Variants in ABHD12 observed in about 807,000 individuals in gnomAD.
ABHD12 encodes the protein lysophosphatidylserine lipase ABHD12.
Under a neutral mutation model 58.3 loss-of-function variants are expected in ABHD12, and 43 were observed. That is an observed-to-expected ratio of 0.74 (90% CI 0.58 to 0.95). ABHD12 has a LOEUF of 0.95. Among genes scored for constraint, ABHD12 ranks in the 40% least tolerant of loss-of-function variants. The pLI is 0.00. For missense variants in ABHD12, 539 were observed against 537.2 expected (o/e 1.00, Z -0.03); for synonymous variants, 219 against 211.2 (o/e 1.04, Z -0.32).
chr20:25,377,113 TC>T (rs1398108903), intron 1 of ABHD12, among the ~76,000 whole-genome samples: 3 of 152,184 alleles, frequency 2.0e-5, no homozygotes, highest in African/African-American at 7.2e-5. Context: ...ACTGGCAGCC[TC>T]CCAGCTGGCC....
At chr20:25,297,953 T>A (rs1413811213), downstream of ABHD12, 2 of 152,300 alleles carry the variant, frequency 1.3e-5, no homozygotes, top group African/African-American at 2.4e-5. Context: ...ACTGTGCCCC[T>A]CATTGTTACT....
chr20:25,302,758 G>T (rs1414413875), intron 11 of ABHD12, among the ~76,000 whole-genome samples: 1 of 152,214 alleles, frequency 6.6e-6, no homozygotes, highest in East Asian at 1.9e-4. Context: ...TTCGGCAAGG[G>T]TAGGTGGGCC....
At chr20:25,322,381 A>ATATATATATATATATATATATTTTTTTTT in intron 3 of ABHD12, among the ~76,000 whole-genome samples, 13 of 59,230 alleles carry the variant, frequency 2.2e-4, no homozygotes, top group African/African-American at 4.1e-4. Flanking sequence ...ATATATATAT[A>ATATATATATATATATATATATTTTTTTTT]TTTTTTTTTT....
chr20:25,390,472 G>T (rs778256949), intron 1 of ABHD12, 41 bp downstream of exon 1: 2 of 1,248,456 alleles, frequency 1.6e-6, no homozygotes, highest in Non-Finnish European at 2.0e-6. Context: ...CAAAGTGAGG[G>T]ACCGGCCCCC....
chr20:25,342,741 A>C lies in ABHD12; in HGVS notation c.192-3390T>G, dbSNP rs562353495. Reference sequence around the variant, plus strand: ...GGCCTCCCAAGTAGCTCAGACCACCATACCCAGCCAGGTTTATTTTTTATT... The same window carrying C: ...GGCCTCCCAAGTAGCTCAGACCACCCTACCCAGCCAGGTTTATTTTTTATT... On this transcript the variant is annotated intron_variant, in intron 1 of 12. Coordinates refer to ENST00000339157, the MANE Select transcript of ABHD12 (RefSeq NM_001042472.3). 9.1e-4 allele frequency among the ~76,000 whole-genome samples: 139 copies of C among 152,170 alleles called. 2 individuals are homozygous for C. The South Asian group carries it at 0.022, about 24-fold the overall frequency.
intron 1 of ABHD12, among the ~76,000 whole-genome samples, chr20:25,363,377 C>T (rs1198874555): frequency 6.6e-6 from 1 of 151,832 alleles, no homozygotes; most frequent in East Asian, 2.0e-4. Flanking sequence ...CGCACCCACG[C>T]CCAGCTAATT....
intron 6 of ABHD12, among the ~76,000 whole-genome samples, chr20:25,312,738 G>A (rs1358736740): frequency 3.3e-5 from 5 of 150,988 alleles, no homozygotes; most frequent in Non-Finnish European, 7.4e-5. Flanking sequence ...AGTGAGAAGC[G>A]TCTCTGCCCG....
At chr20:25,384,268 T>C (rs1884249029) in intron 1 of ABHD12, among the ~76,000 whole-genome samples, 1 of 151,240 alleles carries the variant, frequency 6.6e-6, no homozygotes, top group African/African-American at 2.4e-5. Context: ...ATGAATGAGA[T>C]AAATATTTAC....
chr20:25,387,116 A>G (rs1335414641), intron 1 of ABHD12, among the ~76,000 whole-genome samples: 1 of 152,214 alleles, frequency 6.6e-6, no homozygotes, highest in Non-Finnish European at 1.5e-5. Context: ...GAACAAAAAC[A>G]AAAAGCTCCC....
Position 25,378,697 on chromosome 20 carries a change from C to CTT in ABHD12, c.191+11814_191+11815dup, listed in dbSNP as rs10617181. On this transcript the variant is annotated intron_variant, in intron 1 of 12. Coordinates refer to ENST00000339157, the MANE Select transcript of ABHD12 (RefSeq NM_001042472.3). ...TGATAAGAACTGAAGATAATTTGAA[C>CTT]TTTTTTTTTTTTTTTTTTTTACCAT... is the stretch of plus-strand genomic sequence containing the variant. 2.9e-5 allele frequency among the ~76,000 whole-genome samples: 4 copies of CTT among 139,664 alleles called. No individual in the cohort carries two copies. The East Asian group carries it at 6.6e-4, about 23-fold the overall frequency. 91.6% of individuals were successfully genotyped at this position (139,664 alleles called of 152,430 possible).
intron 1 of ABHD12, among the ~76,000 whole-genome samples, chr20:25,384,137 G>T (rs1311339281): frequency 3.6e-5 from 3 of 82,316 alleles, no homozygotes; most frequent in South Asian, 5.4e-4. Flanking sequence ...GTGAGACTCT[G>T]TCTCAAAAAA....
At chr20:25,343,760 A>T (rs1487008404) in intron 1 of ABHD12, among the ~76,000 whole-genome samples, 2 of 152,190 alleles carry the variant, frequency 1.3e-5, no homozygotes. Flanking sequence ...GCACCACTGC[A>T]CTCCAGCCTG....
chr20:25,362,953 G>A (rs575230619), intron 1 of ABHD12, among the ~76,000 whole-genome samples: 10 of 151,886 alleles, frequency 6.6e-5, no homozygotes, highest in South Asian at 6.2e-4. Context: ...GATTACAGGC[G>A]TGAACCACTG....
chr20:25,345,704 A>G (rs1188199940), intron 1 of ABHD12, among the ~76,000 whole-genome samples: 1 of 152,246 alleles, frequency 6.6e-6, no homozygotes, highest in Non-Finnish European at 1.5e-5. Context: ...GTGTTCACAT[A>G]TGTAATCAGA....
At chr20:25,299,341 T>A (rs2088597769), downstream of ABHD12, among the ~76,000 whole-genome samples, 1 of 151,948 alleles carries the variant, frequency 6.6e-6, no homozygotes. Context: ...GTGAAGTTGC[T>A]GTGAGCTATG....
intron 1 of ABHD12, among the ~76,000 whole-genome samples, chr20:25,379,527 C>T (rs1392794701): frequency 6.6e-6 from 1 of 152,144 alleles, no homozygotes. Flanking sequence ...TCTGCTCAGC[C>T]TCAGAACACT....
chr20:25,329,652 T>A (rs1300485770), intron 2 of ABHD12, among the ~76,000 whole-genome samples: 1 of 152,224 alleles, frequency 6.6e-6, no homozygotes, highest in Non-Finnish European at 1.5e-5. Flanking sequence ...CTTACTGAGC[T>A]GTGATGGTCT....
chr20:25,366,834 TCTATTTGGGA>T (rs1211144199), intron 1 of ABHD12, among the ~76,000 whole-genome samples: 2 of 152,166 alleles, frequency 1.3e-5, no homozygotes, highest in African/African-American at 4.8e-5. Context: ...TGTATTTGGG[TCTATTTGGGA>T]ATCTCTGTCC....
chr20:25,313,342 G>A (rs200257476), intron 6 of ABHD12, among the ~76,000 whole-genome samples: 2 of 144,712 alleles, frequency 1.4e-5, no homozygotes, highest in Non-Finnish European at 3.0e-5. Context: ...ATGGATTAAG[G>A]GCGGTGCAAG....
Sources: gnomAD v4.1 joint callset for allele counts (sites outside exome capture counted in the v4.1 genomes callset) on GRCh38, gnomAD v4.1.1 for gene constraint, MANE v1.5 for transcripts, NCBI Gene and HGNC (gene_info 2026-07-23, HGNC 2026-07-21) for gene names.